The following PTPRR variants were observed in gnomAD, a reference collection of about 807,000 sequenced individuals.
The protein encoded by PTPRR is protein tyrosine phosphatase receptor type R, also known as receptor-type tyrosine-protein phosphatase R.
In PTPRR, 38 loss-of-function variants were observed where a neutral mutation model predicts 77.2. That is an observed-to-expected ratio of 0.49 (90% confidence interval 0.38 to 0.65). The LOEUF is 0.65. Among genes scored for constraint, PTPRR ranks in the 30% least tolerant of loss-of-function variants. The probability of loss-of-function intolerance (pLI) is 0.00; values close to 1 mark genes in which losing one functional copy is unlikely to be tolerated. For missense variants in PTPRR, 744 were observed against 799.2 expected (o/e 0.93, Z 0.83); for synonymous variants, 299 against 283.1 (o/e 1.06, Z -0.57).
intron 13 of PTPRR, 108 bp from the exon 14 acceptor site, chr12:70,639,385 A>G (rs1329681653): frequency 7.1e-7 from 1 of 1,411,130 alleles, no homozygotes; most frequent in East Asian, 2.4e-5. Context: ...CACATAGAAC[A>G]GTCGACCTAG....
At chr12:70,841,630 G>T (rs1892399047) in intron 2 of PTPRR, among the ~76,000 whole-genome samples, 1 of 152,012 alleles carries the variant, frequency 6.6e-6, no homozygotes, top group South Asian at 2.1e-4. Flanking sequence ...CAGAACAAAA[G>T]TAAACATTAA....
intron 2 of PTPRR, among the ~76,000 whole-genome samples, chr12:70,839,579 T>A (rs1442765364): frequency 1.3e-5 from 2 of 152,226 alleles, no homozygotes; most frequent in Non-Finnish European, 2.9e-5. Context: ...TAAAACATTC[T>A]ATGAAACATT....
At chr12:70,867,437 T>C (rs1241149342) in intron 2 of PTPRR, among the ~76,000 whole-genome samples, 3 of 152,030 alleles carry the variant, frequency 2.0e-5, no homozygotes, top group Non-Finnish European at 4.4e-5. Context: ...CCATTCACAA[T>C]TGCTTCAAAG....
At position 70,766,010 on chromosome 12, in the gene PTPRR, G is replaced by C. The variant is rs577414400; in HGVS notation, c.358-1232C>G. ...AAGGACATCCACACCAAAAACCCAT[G>C]TGCACATCACCATCATCAAAGACCA... is the stretch of plus-strand genomic sequence containing the variant. On this transcript the variant is annotated intron_variant, in intron 2 of 13. Coordinates refer to ENST00000283228, the MANE Select transcript of PTPRR (RefSeq NM_002849.4). Among the ~76,000 whole-genome samples, 143 of 152,228 alleles carry C rather than the reference G, an allele frequency of 9.4e-4. 1 individual carries two copies. Among genetic ancestry groups the C allele is most frequent in the Middle Eastern group, 6.8e-3 (2 of 294 alleles).
intron 2 of PTPRR, among the ~76,000 whole-genome samples, chr12:70,855,390 G>A (rs559492927): frequency 1.3e-5 from 2 of 152,138 alleles, no homozygotes; most frequent in Non-Finnish European, 2.9e-5. Flanking sequence ...CAGCAGGGAA[G>A]CCTGTTAAGG....
chr12:70,908,326 TA>T (rs1400844491), intron 1 of PTPRR, among the ~76,000 whole-genome samples: 1 of 152,132 alleles, frequency 6.6e-6, no homozygotes, highest in Admixed American at 6.5e-5. Context: ...ACGCTGTTAA[TA>T]AAGACATACC....
At chr12:70,896,777 T>C (rs1378617276) in intron 1 of PTPRR, among the ~76,000 whole-genome samples, 1 of 151,880 alleles carries the variant, frequency 6.6e-6, no homozygotes, top group Non-Finnish European at 1.5e-5. Flanking sequence ...CCATCTTGAA[T>C]TAATTTTTGT....
intron 2 of PTPRR, among the ~76,000 whole-genome samples, chr12:70,772,463 C>G (rs1164725664): frequency 6.6e-6 from 1 of 152,122 alleles, no homozygotes; most frequent in African/African-American, 2.4e-5. Flanking sequence ...AGTATATTCT[C>G]TATTTTGTAC....
intron 13 of PTPRR, among the ~76,000 whole-genome samples, chr12:70,641,945 T>C (rs938289897): frequency 6.6e-6 from 1 of 152,196 alleles, no homozygotes; most frequent in Non-Finnish European, 1.5e-5. Flanking sequence ...CTAAACATCC[T>C]GTGGTCACTC....
intron 8 of PTPRR, among the ~76,000 whole-genome samples, chr12:70,694,594 C>A (rs1288633769): frequency 1.3e-5 from 2 of 151,858 alleles, no homozygotes; most frequent in Non-Finnish European, 2.9e-5. Flanking sequence ...TAAGTGAGAG[C>A]TAAATTCTGG....
At chr12:70,858,943 A>G (rs1233665492) in intron 2 of PTPRR, among the ~76,000 whole-genome samples, 1 of 136,554 alleles carries the variant, frequency 7.3e-6, no homozygotes, top group African/African-American at 2.7e-5. Context: ...ATTTTCTTCT[A>G]GCATTTCGCC....
At chr12:70,845,410 C>G (rs12313400) in intron 2 of PTPRR, among the ~76,000 whole-genome samples, 8,889 of 152,130 alleles carry the variant, frequency 0.058, 650 homozygotes, top group African/African-American at 0.17. Flanking sequence ...TGTACATGAT[C>G]TAAGAGTAAA....
chr12:70,832,734 A>G (rs1336456375), intron 2 of PTPRR, among the ~76,000 whole-genome samples: 2 of 152,164 alleles, frequency 1.3e-5, no homozygotes, highest in Non-Finnish European at 2.9e-5. Context: ...CCACAAAGGA[A>G]TACCTGAGAC....
intron 10 of PTPRR, chr12:70,672,717 C>T: frequency 6.5e-7 from 1 of 1,545,400 alleles, no homozygotes; most frequent in East Asian, 2.7e-5. Flanking sequence ...CCCAGTTTGT[C>T]ACCTTTTACC....
At position 70,727,716 on chromosome 12, in the gene PTPRR, C is replaced by T. The variant is rs553221623; in HGVS notation, c.1007+18102G>A. ...TCACTGCACCAATAGAGGACTCAGA[C>T]CCAGAGTCTCATAGAAAAATGCATC... On this transcript the variant is annotated intron_variant, in intron 6 of 13. Coordinates refer to ENST00000283228, the MANE Select transcript of PTPRR (RefSeq NM_002849.4). Among the ~76,000 whole-genome samples, 84 of 152,282 alleles carry T rather than the reference C, an allele frequency of 5.5e-4. 3 individuals are homozygous for T. In the South Asian group the frequency reaches 0.017, roughly 30 times the overall value.
At chr12:70,912,660 T>A (rs1592830275) in intron 1 of PTPRR, among the ~76,000 whole-genome samples, 1 of 152,184 alleles carries the variant, frequency 6.6e-6, no homozygotes, top group Non-Finnish European at 1.5e-5. Context: ...TGAGATTTGA[T>A]TATGAGGAAA....
rs575433144 is a variant in PTPRR, at chr12:70,866,220, C to T, written c.357+26459G>A. 2.2e-3 allele frequency among the ~76,000 whole-genome samples: 330 copies of T among 152,048 alleles called. 2 individuals carry two copies. The highest frequency in any genetic ancestry group is 7.7e-3 in the African/African-American group (318 of 41,478). ...TGAAGGAAATAGAGACACAAAAAAC[C>T]CTTCAAAAAATTAATGAATCCAGGA... is the stretch of plus-strand genomic sequence containing the variant. On this transcript the variant is annotated intron_variant, in intron 2 of 13. Transcript: ENST00000283228.
At chr12:70,753,115 G>T (rs6581964) in intron 5 of PTPRR, among the ~76,000 whole-genome samples, 43,375 of 151,954 alleles carry the variant, frequency 0.29, 8,439 homozygotes, top group African/African-American at 0.55. Context: ...TTACTTCACA[G>T]ATTTTAAACT....
At chr12:70,665,763 G>T (rs1160823697) in intron 10 of PTPRR, among the ~76,000 whole-genome samples, 1 of 151,076 alleles carries the variant, frequency 6.6e-6, no homozygotes, top group African/African-American at 2.4e-5. Flanking sequence ...GTGAGGAGGC[G>T]GTCTAGCTAG....
Sources: gnomAD v4.1 joint callset for allele counts (sites outside exome capture counted in the v4.1 genomes callset) on GRCh38, gnomAD v4.1.1 for gene constraint, MANE v1.5 for transcripts, NCBI Gene and HGNC (gene_info 2026-07-23, HGNC 2026-07-21) for gene names.